Variants in TTC6 observed in about 807,000 individuals in gnomAD.
The protein encoded by TTC6 is tetratricopeptide repeat domain 6.
TTC6 carries 172 observed loss-of-function variants against 210.4 expected under a neutral mutation model. That is an observed-to-expected ratio of 0.82 (90% CI 0.72 to 0.93). TTC6 has a LOEUF of 0.93. Ranked by LOEUF, TTC6 falls within the 40% of genes least tolerant of loss-of-function variation. TTC6 has a pLI of 0.00. For missense variants in TTC6, 2,414 were observed against 2,318.1 expected, an observed-to-expected ratio of 1.04 and a Z score of -0.85; for synonymous variants, 804 against 819.6, an observed-to-expected ratio of 0.98 and a Z score of 0.32.
intron 1 of TTC6, 81 bp downstream of exon 3, chr14:37,623,084 G>T (rs2095654546): frequency 9.7e-7 from 1 of 1,026,990 alleles, no homozygotes; most frequent in Non-Finnish European, 1.4e-6. Flanking sequence ...GTTTATTATG[G>T]ATAATATTTC....
At chr14:37,691,345 A>C (rs1293581984) in intron 3 of TTC6, among the ~76,000 whole-genome samples, 2 of 152,182 alleles carry the variant, frequency 1.3e-5, no homozygotes, top group African/African-American at 2.4e-5. Context: ...CAAACAAACA[A>C]CAAACAAAAA....
chr14:37,727,394 A>C (rs1773942899), intron 7 of TTC6, among the ~76,000 whole-genome samples: 1 of 149,604 alleles, frequency 6.7e-6, no homozygotes, highest in Non-Finnish European at 1.5e-5. Flanking sequence ...CTCAGGTTCA[A>C]GCAATTCCCC....
intron 14 of TTC6, among the ~76,000 whole-genome samples, chr14:37,765,253 C>A (rs1291851561): frequency 6.6e-6 from 1 of 151,710 alleles, no homozygotes; most frequent in Non-Finnish European, 1.5e-5. Flanking sequence ...GTCTTGAACT[C>A]CTAGGCTCAA....
intron 14 of TTC6, among the ~76,000 whole-genome samples, chr14:37,759,092 A>G (rs2415413): frequency 0.89 from 135,519 of 151,774 alleles, 61,242 homozygotes; most frequent in East Asian, 1. Flanking sequence ...CTAACATGGC[A>G]AAACTCTGTC....
intron 22 of TTC6, 120 bp downstream of exon 24, chr14:37,806,630 TAA>T: frequency 1.0e-6 from 1 of 974,716 alleles, no homozygotes; most frequent in Non-Finnish European, 1.4e-6. Flanking sequence ...ACTTTTCACT[TAA>T]CTTTATTTTC....
chr14:37,826,084 C>T (rs1336798825), intron 27 of TTC6, 111 bp from the exon 30 acceptor site: 2 of 1,115,506 alleles, frequency 1.8e-6, no homozygotes, highest in Admixed American at 6.0e-5. Flanking sequence ...TTAGATTTAG[C>T]ATGGCATAAA....
chr14:37,803,878 C>T (rs942521381), intron 20 of TTC6, among the ~76,000 whole-genome samples: 1 of 152,134 alleles, frequency 6.6e-6, no homozygotes, highest in East Asian at 1.9e-4. Flanking sequence ...AGCTAATGCT[C>T]AATAGAACAC....
At chr14:37,694,909 T>C (rs2095811695) in intron 3 of TTC6, among the ~76,000 whole-genome samples, 1 of 151,624 alleles carries the variant, frequency 6.6e-6, no homozygotes, top group African/African-American at 2.4e-5. Flanking sequence ...GGCTTGATGG[T>C]GCATGCCTGT....
rs890267911 is a variant in TTC6 at position 37,776,888 on chromosome 14, C to A, written c.3267-10580C>A. Among the ~76,000 whole-genome samples, 3 of 151,714 alleles carry A rather than the reference C, an allele frequency of 2.0e-5. No homozygotes were observed. In the East Asian group the frequency reaches 5.8e-4, roughly 29 times the overall value. ...CTCTAGCCTGGGCGCAAGAGTGAAACTCCATCTCAAAAAAAAAATTGCTGA... is the reference window on the plus strand; with the variant it reads ...CTCTAGCCTGGGCGCAAGAGTGAAAATCCATCTCAAAAAAAAAATTGCTGA... On this transcript the variant is annotated intron_variant, in intron 14 of 30. Coordinates refer to ENST00000553443, the Ensembl canonical transcript of TTC6.
rs1435272821 is a variant in TTC6 at position 37,834,623 on chromosome 14, T to C, written c.5299-6822T>C. 2.0e-5 allele frequency among the ~76,000 whole-genome samples: 3 copies of C among 152,296 alleles called. No individual in the cohort carries two copies. The East Asian group carries it at 5.8e-4, about 29-fold the overall frequency. On this transcript the variant is annotated intron_variant, in intron 29 of 30. Coordinates refer to ENST00000553443, the Ensembl canonical transcript of TTC6. Reference sequence around the variant, plus strand: ...GTATTGTTTATCTGTGTTCTTTTGTTCTAAATTTCTTTAAGGTCAATATTT... The same window carrying C: ...GTATTGTTTATCTGTGTTCTTTTGTCCTAAATTTCTTTAAGGTCAATATTT...
At position 37,804,631 on chromosome 14, in the gene TTC6, A is replaced by G. The variant is rs375216603; in HGVS notation, c.4030-49A>G. ...TATAAGGCTGTAACGTTAAATCAAT[A>G]GTGGAAAGAAACATTTCTTGCCCCC... On this transcript the variant is annotated intron_variant, in intron 20 of 30. Transcript: ENST00000553443. 56 of 1,592,312 alleles carry G rather than the reference A, an allele frequency of 3.5e-5. No homozygotes were observed. The African/African-American group carries it at 5.7e-4, about 16-fold the overall frequency.
intron 26 of TTC6, among the ~76,000 whole-genome samples, chr14:37,821,064 T>C (rs1230231623): frequency 6.6e-6 from 1 of 150,844 alleles, no homozygotes; most frequent in Non-Finnish European, 1.5e-5. Context: ...TTCTTCTTTC[T>C]TTTTTCCTTT....
At chr14:37,701,435 A>G in exon 5 of TTC6, 2 of 1,533,802 alleles carry the variant, frequency 1.3e-6, no homozygotes, top group Non-Finnish European at 1.7e-6. Flanking sequence ...AGTGTATCAC[A>G]CTGCTAACAG....
At chr14:37,687,847 A>C (rs1426538620) in intron 3 of TTC6, among the ~76,000 whole-genome samples, 1 of 152,172 alleles carries the variant, frequency 6.6e-6, no homozygotes, top group Admixed American at 6.5e-5. Flanking sequence ...TGCTGGTCTC[A>C]GGCGAGACTC....
intron 14 of TTC6, among the ~76,000 whole-genome samples, chr14:37,763,744 A>C (rs1203012629): frequency 6.6e-6 from 1 of 151,966 alleles, no homozygotes; most frequent in African/African-American, 2.4e-5. Flanking sequence ...TTGATATTTA[A>C]AAACACCAAC....
At chr14:37,677,148 G>C (rs35852338) in intron 1 of TTC6, among the ~76,000 whole-genome samples, 8,710 of 152,038 alleles carry the variant, frequency 0.057, 384 homozygotes, top group Non-Finnish European at 0.089. Context: ...GATAGCTTTG[G>C]GGAGTCTTGC....
Position 37,598,411 on chromosome 14 carries a change from G to C in TTC6, c.-235+2403G>C, listed in dbSNP as rs1249418169. Among the ~76,000 whole-genome samples, 2 of 152,196 alleles carry C rather than the reference G, an allele frequency of 1.3e-5. No individual in the cohort carries two copies. The highest frequency in any genetic ancestry group is 1.5e-5 in the Non-Finnish European group (1 of 68,024). Reference sequence around the variant, plus strand: ...GCAGTGAGGACTGTAGGGTGCGCGGGTACTCCGGGTAGCCGCCAGCGGAGG... The same window carrying C: ...GCAGTGAGGACTGTAGGGTGCGCGGCTACTCCGGGTAGCCGCCAGCGGAGG... On this transcript the variant is annotated intron_variant, in intron 1 of 2. Coordinates refer to the TTC6 transcript ENST00000556845. The surrounding 1 kb of genome is among the most constrained non-coding windows in gnomAD (Gnocchi z 4.9).
At chr14:37,702,597 T>C (rs1340791651) in intron 5 of TTC6, among the ~76,000 whole-genome samples, 1 of 152,170 alleles carries the variant, frequency 6.6e-6, no homozygotes, top group Non-Finnish European at 1.5e-5. Flanking sequence ...TTAAGACAAT[T>C]ACAAATGTTA....
At chr14:37,709,913 A>G (rs775402778) in intron 5 of TTC6, among the ~76,000 whole-genome samples, 29 of 152,158 alleles carry the variant, frequency 1.9e-4, no homozygotes, top group Non-Finnish European at 3.2e-4. Context: ...AGACCTTGGC[A>G]TCTGCTTTTT....
Sources: gnomAD v4.1 joint callset for allele counts (sites outside exome capture counted in the v4.1 genomes callset) on GRCh38, gnomAD v4.1.1 for gene constraint, Gnocchi (gnomAD v3.1) non-coding constraint, MANE v1.5 for transcripts, NCBI Gene and HGNC (gene_info 2026-07-23, HGNC 2026-07-21) for gene names.